Variants in CAMK2B observed in about 807,000 individuals in gnomAD.
CAMK2B encodes calcium/calmodulin dependent protein kinase II beta.
In CAMK2B, 27 loss-of-function variants were observed where a neutral mutation model predicts 93.7. The observed-to-expected ratio is 0.29, with a 90% CI of 0.21 to 0.40. The LOEUF (loss-of-function observed/expected upper bound fraction) is 0.40, where lower values mean the gene tolerates loss of function less well. Among genes scored for constraint, CAMK2B ranks in the 10% least tolerant of loss-of-function variants. The probability of loss-of-function intolerance (pLI) is 1.00; values close to 1 mark genes in which losing one functional copy is unlikely to be tolerated. For synonymous variants in CAMK2B, 374 were observed against 358.8 expected (o/e 1.04, Z -0.48); for missense variants, 568 against 895.8 (o/e 0.63, Z 4.67).
At chr7:44,262,953 T>C (rs1284055264) in intron 3 of CAMK2B, 52 bp downstream of exon 3, 2 of 1,483,384 alleles carry the variant, frequency 1.3e-6, no homozygotes, top group Admixed American at 1.8e-5. Flanking sequence ...AATGGGCTGC[T>C]GTCCGGGAGA....
intron 4 of CAMK2B, among the ~76,000 whole-genome samples, chr7:44,255,708 G>C (rs1210070684): frequency 3.3e-5 from 5 of 152,210 alleles, no homozygotes. Context: ...CCCAGCACTT[G>C]GGGCTGGGCT....
chr7:44,288,406 C>A (rs972634881), intron 1 of CAMK2B, among the ~76,000 whole-genome samples: 7 of 152,176 alleles, frequency 4.6e-5, no homozygotes, highest in African/African-American at 1.7e-4. Flanking sequence ...AAGGGCACAG[C>A]GGGTTGGGGC....
chr7:44,252,325 C>T (rs1584232727), intron 5 of CAMK2B, among the ~76,000 whole-genome samples: 1 of 151,796 alleles, frequency 6.6e-6, no homozygotes, highest in East Asian at 1.9e-4. Context: ...GTCTCCTTCC[C>T]CAAACCTGAT....
chr7:44,229,218 G>C lies in CAMK2B; in HGVS notation c.1339+170C>G, dbSNP rs2096553629. The C allele has an allele frequency of 6.5e-6, 4 of 610,732 alleles. No individual in the cohort carries two copies. The Admixed American group carries it at 1.2e-4, about 19-fold the overall frequency. 37.8% of individuals were successfully genotyped at this position (610,732 alleles called of 1,614,324 possible). On this transcript the variant is annotated intron_variant, in intron 18 of 23. Transcript: ENST00000395749. The stretch of plus-strand genomic sequence containing the variant: ...TCCAGGGCCCTCCTCACAAAGAGGT[G>C]GGGCTCGATGGGCTGGGGCCACCCT...
At chr7:44,273,259 G>A (rs1278268291) in intron 2 of CAMK2B, among the ~76,000 whole-genome samples, 1 of 152,142 alleles carries the variant, frequency 6.6e-6, no homozygotes, top group African/African-American at 2.4e-5. Context: ...CCCAGCCCCT[G>A]CCTGTTCACT....
At chr7:44,241,585 C>G (rs549823241) in intron 11 of CAMK2B, 115 bp downstream of exon 11, 1 of 778,904 alleles carries the variant, frequency 1.3e-6, no homozygotes, top group African/African-American at 1.7e-5. Context: ...AACAGTCAGT[C>G]TTGGGGGCAG....
At chr7:44,250,674 C>T (rs2128999009) in intron 5 of CAMK2B, among the ~76,000 whole-genome samples, 1 of 152,236 alleles carries the variant, frequency 6.6e-6, no homozygotes, top group South Asian at 2.1e-4. Context: ...GGATTACAGG[C>T]ATGCGCCACC....
At position 44,319,431 on chromosome 7, in the gene CAMK2B, G is replaced by A. The variant is rs529884069; in HGVS notation, c.65+5926C>T. Among the ~76,000 whole-genome samples, 3 of 152,336 alleles carry A rather than the reference G, an allele frequency of 2.0e-5. No homozygotes were observed. The East Asian group carries it at 5.8e-4, about 29-fold the overall frequency. On this transcript the variant is annotated intron_variant, in intron 1 of 23. Transcript: ENST00000395749. ...GAAACATCCCTGTTAGAATTTTTAA[G>A]TAGAAGATACAAAACCTAAACATTG...
At chr7:44,242,097 G>A (rs1382211447) in intron 10 of CAMK2B, 121 bp downstream of exon 10, 1 of 1,209,254 alleles carries the variant, frequency 8.3e-7, no homozygotes, top group Middle Eastern at 2.3e-4. Context: ...GCACCCAGGG[G>A]ACCCAAGGGA....
chr7:44,313,812 A>G (rs746076646), intron 1 of CAMK2B, among the ~76,000 whole-genome samples: 4 of 150,536 alleles, frequency 2.7e-5, no homozygotes, highest in Non-Finnish European at 2.9e-5. Context: ...CATCAGGCAC[A>G]GGCCCAGAGG....
chr7:44,223,648 GC>G (rs1363905790), intron 20 of CAMK2B, among the ~76,000 whole-genome samples: 1 of 147,520 alleles, frequency 6.8e-6, no homozygotes, highest in African/African-American at 2.5e-5. Context: ...CCTGGCACCT[GC>G]CTCTCCCCTG....
chr7:44,302,857 A>G (rs1382540713), intron 1 of CAMK2B, among the ~76,000 whole-genome samples: 1 of 152,192 alleles, frequency 6.6e-6, no homozygotes, highest in Non-Finnish European at 1.5e-5. Context: ...CAAAGCAAGT[A>G]TGTTCCCTTT....
chr7:44,306,719 CAGGAGGAGGGTGTGGGCAGG>C lies in CAMK2B; in HGVS notation c.65+18618_65+18637del, dbSNP rs1413628683. On this transcript the variant is annotated intron_variant, in intron 1 of 23. Transcript: ENST00000395749. ...ATCTGGCCATGCTGAAACCAGTGAG[CAGGAGGAGGGTGTGGGCAGG>C]AGGAGGAGGGTGTGGGCAGGGGGAG... 1.2e-3 allele frequency among the ~76,000 whole-genome samples: 184 copies of C among 148,694 alleles called. 1 individual carries two copies. The highest frequency in any genetic ancestry group is 4.4e-3 in the African/African-American group (176 of 40,022).
Position 44,325,366 on chromosome 7 carries a change from T to C in CAMK2B, c.56A>G (p.Asp19Gly). 2 of 1,256,532 alleles carry C rather than the reference T, an allele frequency of 1.6e-6. No homozygotes were observed. Among genetic ancestry groups the C allele is most frequent in the South Asian group, 1.6e-5 (1 of 64,020 alleles). 77.8% of individuals were successfully genotyped at this position (1,256,532 alleles called of 1,614,324 possible). ...GCGCCGCTGCTCTTACTTGCCAATA[T>C]CCTCGTAGAGCTGGTACTCGTCGGT... ...RFTDEYQLYEDIGKGAFSVVR... is the reference protein window; with the variant it reads ...RFTDEYQLYEGIGKGAFSVVR... The change falls in exon 1 of 24, where the codon GAT becomes GGT. Residue 19 changes from aspartate to glycine, a missense_variant. This residue lies in a region of CAMK2B where 39 missense variants were observed against 43.4 expected (regional missense o/e 0.90). Transcript: ENST00000395749.
chr7:44,278,137 G>A (rs947902445), intron 2 of CAMK2B, among the ~76,000 whole-genome samples: 21 of 152,190 alleles, frequency 1.4e-4, no homozygotes, highest in African/African-American at 4.3e-4. Flanking sequence ...AGGGTGGCAG[G>A]CTGCCCGTGG....
chr7:44,277,873 G>C (rs2097063245), intron 2 of CAMK2B, among the ~76,000 whole-genome samples: 1 of 152,168 alleles, frequency 6.6e-6, no homozygotes, highest in East Asian at 1.9e-4. Flanking sequence ...CTACCTCCCT[G>C]AATAGCAGTG....
At chr7:44,229,327 C>G (rs1407082600) in intron 18 of CAMK2B, 61 bp downstream of exon 18, 2 of 1,219,018 alleles carry the variant, frequency 1.6e-6, no homozygotes, top group African/African-American at 1.5e-5. Context: ...GGAGTGGCCC[C>G]TCTAGGGGGT....
At chr7:44,321,671 C>A (rs1012346606) in intron 1 of CAMK2B, among the ~76,000 whole-genome samples, 1 of 152,198 alleles carries the variant, frequency 6.6e-6, no homozygotes. Flanking sequence ...GGCCCATGAA[C>A]CCCTGAAATG....
At chr7:44,250,318 C>T (rs545763257) in intron 5 of CAMK2B, among the ~76,000 whole-genome samples, 1 of 152,300 alleles carries the variant, frequency 6.6e-6, no homozygotes, top group African/African-American at 2.4e-5. Flanking sequence ...CTGTTAACAT[C>T]GATGTCTTCT....
Sources: gnomAD v4.1 joint callset for allele counts (sites outside exome capture counted in the v4.1 genomes callset) on GRCh38, gnomAD v4.1.1 for gene constraint, gnomAD v4.1.1 regional missense constraint, MANE v1.5 for transcripts, NCBI Gene and HGNC (gene_info 2026-07-23, HGNC 2026-07-21) for gene names.